OR2L13: variants seen among roughly 807,000 people sequenced by gnomAD.
OR2L13 encodes the protein olfactory receptor 2L13.
OR2L13 carries 14 observed loss-of-function variants against 15.3 expected under a neutral mutation model. The observed-to-expected ratio is 0.91, with a 90% confidence interval of 0.60 to 1.43. The LOEUF (loss-of-function observed/expected upper bound fraction) is 1.43. OR2L13 is among the 40% of genes most tolerant of loss of function. The pLI is 0.00. For synonymous variants in OR2L13, 152 were observed against 142.9 expected, an observed-to-expected ratio of 1.06 and a Z score of -0.45; for missense variants, 367 against 387.9, an observed-to-expected ratio of 0.95 and a Z score of 0.45.
the OR2L13 span, among the ~76,000 whole-genome samples, chr1:248,051,001 C>A: frequency 6.6e-6 from 1 of 152,096 alleles, no homozygotes; most frequent in Non-Finnish European, 1.5e-5. Context: ...TTTATTAGTG[C>A]AAATATACTT....
the OR2L13 span, among the ~76,000 whole-genome samples, chr1:248,082,355 G>A: frequency 2.6e-3 from 1 of 388 alleles, no homozygotes; most frequent in Non-Finnish European, 6.1e-3. Context: ...GGTGGGGGGT[G>A]GGGGGAGGGG....
chr1:248,048,094 G>A, the OR2L13 span, among the ~76,000 whole-genome samples: 1 of 152,094 alleles, frequency 6.6e-6, no homozygotes, highest in African/African-American at 2.4e-5. Flanking sequence ...ACAGTCAAAG[G>A]ATATACTTTC....
At chr1:247,956,494 G>C in the OR2L13 span, among the ~76,000 whole-genome samples, 4 of 150,340 alleles carry the variant, frequency 2.7e-5, no homozygotes, top group African/African-American at 9.7e-5. Flanking sequence ...GTCATTGGTA[G>C]CTTGATGGGG....
the OR2L13 span, among the ~76,000 whole-genome samples, chr1:248,046,094 GTACTC>G: frequency 6.6e-6 from 1 of 151,376 alleles, no homozygotes; most frequent in Non-Finnish European, 1.5e-5. Flanking sequence ...AACATTTAAA[GTACTC>G]TACTGAGTAA....
At chr1:248,090,129 C>T in the OR2L13 span, among the ~76,000 whole-genome samples, 4 of 152,204 alleles carry the variant, frequency 2.6e-5, no homozygotes, top group Admixed American at 2.6e-4. Flanking sequence ...TAATAAATTC[C>T]TCCCTTTCTC....
chr1:247,985,624 C>T, the OR2L13 span, among the ~76,000 whole-genome samples: 2 of 152,136 alleles, frequency 1.3e-5, no homozygotes, highest in African/African-American at 4.8e-5. Context: ...GTTATATACG[C>T]AGTAATGGGA....
intron 2 of OR2L13, 22 bp from the exon 3 acceptor site, chr1:248,099,336 G>T: frequency 7.5e-7 from 1 of 1,337,014 alleles, no homozygotes; most frequent in South Asian, 1.3e-5. Flanking sequence ...CTTTGCTTTT[G>T]TTTCTATTTC....
chr1:248,071,190 C>T, the OR2L13 span, among the ~76,000 whole-genome samples: 4 of 152,156 alleles, frequency 2.6e-5, no homozygotes, highest in Non-Finnish European at 2.9e-5. Flanking sequence ...GAATTTTAGA[C>T]CAATATCCCT....
the OR2L13 span, among the ~76,000 whole-genome samples, chr1:247,993,785 GAGAGAGAGAGAGAGAGAGAGAGAGAGAA>G: frequency 6.6e-5 from 9 of 136,514 alleles, no homozygotes; most frequent in African/African-American, 3.2e-4. Flanking sequence ...GAGAGAGAGA[GAGAGAGAGAGAGAGAGAGAGAGAGAGAA>G]AGAAAGAGAA....
the OR2L13 span, chr1:248,022,830 G>A: frequency 1.2e-6 from 2 of 1,605,520 alleles, no homozygotes; most frequent in East Asian, 2.2e-5. Context: ...GAGAAACAAG[G>A]AGGTGATGGG....
chr1:247,944,197 A>G, the OR2L13 span, among the ~76,000 whole-genome samples: 2 of 152,068 alleles, frequency 1.3e-5, no homozygotes, highest in African/African-American at 4.8e-5. Flanking sequence ...AAATTTTAGG[A>G]TGAGCTTTCT....
At chr1:248,084,254 T>G in the OR2L13 span, 1 of 1,611,588 alleles carries the variant, frequency 6.2e-7, no homozygotes, top group Non-Finnish European at 8.5e-7. Context: ...AGGCCATGGC[T>G]GCTAAGAGGA....
the OR2L13 span, among the ~76,000 whole-genome samples, chr1:248,031,037 A>G: frequency 1.3e-5 from 2 of 152,238 alleles, no homozygotes; most frequent in African/African-American, 2.4e-5. Context: ...GCAAGTAGAA[A>G]TGTTTTTAAA....
the OR2L13 span, chr1:248,022,320 A>G: frequency 2.5e-6 from 4 of 1,614,106 alleles, no homozygotes; most frequent in South Asian, 1.1e-5. Context: ...TTATGTGGCC[A>G]TTTGCTTTCC....
the OR2L13 span, chr1:247,965,580 C>T: frequency 4.3e-5 from 69 of 1,596,822 alleles, no homozygotes; most frequent in Non-Finnish European, 4.9e-5. Flanking sequence ...AGCTCTCCAT[C>T]GTTGACCTCA....
At chr1:247,977,423 G>C in the OR2L13 span, among the ~76,000 whole-genome samples, 1 of 152,124 alleles carries the variant, frequency 6.6e-6, no homozygotes, top group Non-Finnish European at 1.5e-5. Flanking sequence ...ATGAAGAGCA[G>C]AATCCCATCC....
chr1:247,947,344 A>C, the OR2L13 span, among the ~76,000 whole-genome samples: 2 of 152,214 alleles, frequency 1.3e-5, no homozygotes, highest in Non-Finnish European at 2.9e-5. Flanking sequence ...GTGTTTGCAC[A>C]CTGGGAATCT....
the OR2L13 span, among the ~76,000 whole-genome samples, chr1:247,994,346 G>A: frequency 3.3e-5 from 5 of 152,118 alleles, no homozygotes; most frequent in Non-Finnish European, 7.4e-5. Context: ...GCAGTGAGCT[G>A]ATATCGCTCC....
At chr1:248,000,123 G>GGTGTGTGTGTGTGTGTGTGT in the OR2L13 span, among the ~76,000 whole-genome samples, 1,084 of 138,256 alleles carry the variant, frequency 7.8e-3, 5 homozygotes, top group African/African-American at 0.014. Context: ...TTTTTTTTTT[G>GGTGTGTGTGTGTGTGTGTGT]GTGTGTGTGT....
Sources: gnomAD v4.1 joint callset for allele counts (sites outside exome capture counted in the v4.1 genomes callset) on GRCh38, gnomAD v4.1.1 for gene constraint, MANE v1.5 for transcripts, NCBI Gene and HGNC (gene_info 2026-07-23, HGNC 2026-07-21) for gene names.